Variants in TCF12 observed in about 807,000 individuals in gnomAD.
TCF12 encodes the protein DNA-binding protein HTF4.
TCF12 carries 45 observed loss-of-function variants against 86.0 expected under a neutral mutation model. That is an observed-to-expected ratio of 0.52 (90% CI 0.41 to 0.67). The LOEUF (loss-of-function observed/expected upper bound fraction) is 0.67, where lower values mean the gene tolerates loss of function less well. TCF12 is among the 30% of genes least tolerant of loss of function. TCF12 has a pLI of 0.00. For synonymous variants in TCF12, 330 were observed against 299.6 expected (o/e 1.10, Z -1.05); for missense variants, 881 against 859.9 (o/e 1.02, Z -0.31).
At chr15:57,139,223 T>G (rs1270047651) in intron 5 of TCF12, among the ~76,000 whole-genome samples, 1 of 152,198 alleles carries the variant, frequency 6.6e-6, no homozygotes, top group Non-Finnish European at 1.5e-5. Flanking sequence ...TCTCGTAATC[T>G]CTGTCCCCTT....
chr15:56,981,298 T>C (rs1312677608), intron 3 of TCF12, among the ~76,000 whole-genome samples: 1 of 152,204 alleles, frequency 6.6e-6, no homozygotes, highest in East Asian at 1.9e-4. Context: ...TATCAGTAGG[T>C]TTGATCTCTG....
At chr15:56,970,213 G>A (rs546264975) in intron 3 of TCF12, among the ~76,000 whole-genome samples, 2 of 152,262 alleles carry the variant, frequency 1.3e-5, no homozygotes, top group Admixed American at 6.5e-5. Flanking sequence ...TGGGAGTGGT[G>A]GCTCATGCCT....
intron 3 of TCF12, among the ~76,000 whole-genome samples, chr15:57,013,940 T>TA (rs1161532859): frequency 6.6e-5 from 10 of 151,736 alleles, no homozygotes; most frequent in East Asian, 1.9e-4. Flanking sequence ...ATCTCTTTTT[T>TA]AAAAAAAAAT....
intron 3 of TCF12, among the ~76,000 whole-genome samples, chr15:57,007,806 C>CTT (rs1567241868): frequency 1.7e-5 from 2 of 120,330 alleles, no homozygotes; most frequent in Admixed American, 8.6e-5. Context: ...TTCTTTCTTT[C>CTT]TTTCTTTCTT....
At chr15:57,263,580 G>A (rs1223797712) in intron 18 of TCF12, among the ~76,000 whole-genome samples, 1 of 152,174 alleles carries the variant, frequency 6.6e-6, no homozygotes, top group African/African-American at 2.4e-5. Flanking sequence ...ATAGCTAAAA[G>A]AAGTTAAATC....
intron 18 of TCF12, among the ~76,000 whole-genome samples, chr15:57,263,980 C>G (rs1333100462): frequency 6.6e-6 from 1 of 152,066 alleles, no homozygotes; most frequent in African/African-American, 2.4e-5. Flanking sequence ...TTTCTGTACA[C>G]TATTGTAGAC....
intron 5 of TCF12, among the ~76,000 whole-genome samples, chr15:57,108,125 T>G (rs1368432777): frequency 6.6e-6 from 1 of 152,178 alleles, no homozygotes; most frequent in Non-Finnish European, 1.5e-5. Flanking sequence ...TCAAAGACCA[T>G]CAACAACTTG....
chr15:57,200,588 A>C (rs2057492294), intron 8 of TCF12, among the ~76,000 whole-genome samples: 1 of 152,210 alleles, frequency 6.6e-6, no homozygotes, highest in African/African-American at 2.4e-5. Flanking sequence ...TCTGTAAAAT[A>C]TATGTGACTT....
chr15:57,017,079 C>T (rs1406517079), intron 3 of TCF12, among the ~76,000 whole-genome samples: 2 of 152,098 alleles, frequency 1.3e-5, no homozygotes, highest in Admixed American at 6.6e-5. Context: ...ATCTGAGTCT[C>T]CTGTCTTCTA....
chr15:57,265,068 A>ATAGTATAGT (rs2060789100), intron 18 of TCF12, among the ~76,000 whole-genome samples: 1 of 139,690 alleles, frequency 7.2e-6, no homozygotes, highest in East Asian at 2.1e-4. Context: ...TCTAATGATA[A>ATAGTATAGT]ATAGTATAGT....
rs563034409 is a variant in TCF12 at position 57,028,240 on chromosome 15, T to A, written c.149-35510T>A. On this transcript the variant is annotated intron_variant, in intron 3 of 20. Coordinates refer to ENST00000333725, the MANE Select transcript of TCF12 (RefSeq NM_207037.2). ...GCTTTGGCCTCTCAAAGATTATAGGTGTGAGCCACCGCGCCCGACTGAAAC... is the reference window on the plus strand; with the variant it reads ...GCTTTGGCCTCTCAAAGATTATAGGAGTGAGCCACCGCGCCCGACTGAAAC... Among the ~76,000 whole-genome samples the A allele has an allele frequency of 1.5e-3, 230 of 152,274 alleles. 1 individual carries two copies. Among genetic ancestry groups the A allele is most frequent in the Non-Finnish European group, 2.9e-4 (20 of 68,006 alleles).
chr15:56,920,948 T>TGACTTTTGGTG (rs2059764175), intron 2 of TCF12, 78 bp from the exon 3 acceptor site: 1 of 1,103,352 alleles, frequency 9.1e-7, no homozygotes, highest in African/African-American at 1.6e-5. Flanking sequence ...AACTGATGGA[T>TGACTTTTGGTG]GACTTTTGGT....
intron 3 of TCF12, among the ~76,000 whole-genome samples, chr15:56,981,467 G>A (rs368785470): frequency 2.0e-5 from 3 of 152,182 alleles, no homozygotes; most frequent in Non-Finnish European, 4.4e-5. Flanking sequence ...CTGTTCATGA[G>A]GGTGGAACTC....
At chr15:56,935,732 TTTCCA>T (rs2060441179) in intron 3 of TCF12, among the ~76,000 whole-genome samples, 1 of 152,214 alleles carries the variant, frequency 6.6e-6, no homozygotes. Context: ...GTTGTTTGGT[TTTCCA>T]TTCCTGAGTT....
intron 12 of TCF12, among the ~76,000 whole-genome samples, chr15:57,242,321 A>G (rs1338915503): frequency 2.0e-5 from 3 of 152,200 alleles, no homozygotes; most frequent in Admixed American, 1.3e-4. Context: ...TATGCATATT[A>G]AAAGAATAGG....
chr15:57,074,759 A>G (rs1003948164), intron 4 of TCF12, among the ~76,000 whole-genome samples: 2 of 152,254 alleles, frequency 1.3e-5, no homozygotes, highest in African/African-American at 4.8e-5. Context: ...TTATGAATGT[A>G]AATTTATACA....
chr15:56,984,001 C>CAAAAAAAAAA (rs71113046), intron 3 of TCF12, among the ~76,000 whole-genome samples: 11 of 43,042 alleles, frequency 2.6e-4, no homozygotes, highest in African/African-American at 4.8e-4. Context: ...GACCCTGTCT[C>CAAAAAAAAAA]AAAAAAAAAA....
At chr15:57,240,318 G>A (rs905346927) in intron 12 of TCF12, among the ~76,000 whole-genome samples, 15 of 152,170 alleles carry the variant, frequency 9.9e-5, no homozygotes, top group African/African-American at 3.1e-4. Context: ...GACAAATGTA[G>A]ATGATTAGAA....
chr15:56,954,546 G>A (rs2061419555), intron 3 of TCF12, among the ~76,000 whole-genome samples: 1 of 152,152 alleles, frequency 6.6e-6, no homozygotes. Flanking sequence ...AAAAGCAATG[G>A]CAACAAAAGC....
Sources: allele counts gnomAD v4.1 joint callset (sites outside exome capture counted in the v4.1 genomes callset), GRCh38; gene constraint gnomAD v4.1.1; transcripts MANE v1.5; gene names NCBI Gene and HGNC (gene_info 2026-07-23, HGNC 2026-07-21).